The following EDC3 variants were observed in gnomAD, a reference collection of about 807,000 sequenced individuals.
The protein encoded by EDC3 is enhancer of mRNA-decapping protein 3.
In EDC3, 20 loss-of-function variants were observed where a neutral mutation model predicts 41.8. That is an observed-to-expected ratio of 0.48 (90% CI 0.34 to 0.70). EDC3 has a LOEUF of 0.70. Among genes scored for constraint, EDC3 ranks in the 30% least tolerant of loss-of-function variants. EDC3 has a pLI of 0.01. For synonymous variants in EDC3, 206 were observed against 243.2 expected (o/e 0.85, Z 1.42); for missense variants, 444 against 636.8 (o/e 0.70, Z 3.26).
At chr15:74,690,867 C>T (rs143656894) in intron 1 of EDC3, among the ~76,000 whole-genome samples, 6 of 151,990 alleles carry the variant, frequency 3.9e-5, no homozygotes, top group Non-Finnish European at 8.8e-5. Context: ...AAAGGCAGCA[C>T]GGTGAAAAGA....
chr15:74,686,572 G>A (rs2062940397), intron 1 of EDC3, among the ~76,000 whole-genome samples: 1 of 151,704 alleles, frequency 6.6e-6, no homozygotes, highest in Non-Finnish European at 1.5e-5. Context: ...ATCACCTGAG[G>A]AGTTTGAGAC....
At chr15:74,686,382 G>A (rs546058408) in intron 1 of EDC3, among the ~76,000 whole-genome samples, 1 of 151,702 alleles carries the variant, frequency 6.6e-6, no homozygotes, top group South Asian at 2.1e-4. Context: ...AGCTACTTGG[G>A]AGGCTGAGGC....
chr15:74,693,542 T>C (rs1409031344), intron 1 of EDC3, among the ~76,000 whole-genome samples: 3 of 152,148 alleles, frequency 2.0e-5, no homozygotes, highest in Non-Finnish European at 2.9e-5. Context: ...ATAAAGAAAG[T>C]GATGAAACCC....
At chr15:74,640,430 T>TCCAC in intron 5 of EDC3, 36 bp downstream of exon 5, 1 of 1,609,342 alleles carries the variant, frequency 6.2e-7, no homozygotes, top group Non-Finnish European at 8.5e-7. Context: ...GCATCCTTAC[T>TCCAC]CCACATTGAG....
Position 74,671,525 on chromosome 15 carries a change from T to G in EDC3, c.414A>C (p.Ser138=), listed in dbSNP as rs747461655. The change falls in exon 3 of 7, where the codon TCA becomes TCC. Residue 138 remains serine (S), a synonymous_variant. Coordinates refer to ENST00000315127, the MANE Select transcript of EDC3 (RefSeq NM_025083.5). The surrounding 1 kb of genome is among the most constrained non-coding windows in gnomAD (Gnocchi z 4.6). ...CCATGTGCCTGTCGACATAGCTCTT[T>G]GAGCACTGTTGCTGCTGCGGGGAAA... ...VAVSPQQQQC[S]KSYVDRHMES... is the part of the protein sequence containing the mutation. The G allele has an allele frequency of 6.2e-6, 10 of 1,614,102 alleles. No homozygotes were observed. Among genetic ancestry groups the G allele is most frequent in the African/African-American group, 2.7e-5 (2 of 74,932 alleles).
rs538495567 is a variant in EDC3, at chr15:74,695,846, C to T, written c.-19+34G>A. On this transcript the variant is annotated intron_variant, in intron 1 of 6. Coordinates refer to ENST00000315127, the MANE Select transcript of EDC3 (RefSeq NM_025083.5). ...AACCCCGGCAGCCCCCTCCCACGAC[C>T]GTCCACAAACCAGTAGCCTCCCTTC... The T allele has an allele frequency of 2.8e-3, 426 of 153,786 alleles. 1 individual carries two copies. The highest frequency in any genetic ancestry group is 4.7e-3 in the Non-Finnish European group (325 of 69,214). The allele number at this position is 153,786 out of a possible 1,614,324, so 9.5% of individuals were successfully genotyped here. A position where few individuals can be genotyped will look rare whatever the true frequency, so the allele number is the denominator to read the frequency against.
intron 4 of EDC3, chr15:74,641,889 C>T (rs2062356570): frequency 6.5e-6 from 1 of 152,690 alleles, no homozygotes; most frequent in Non-Finnish European, 1.5e-5. Flanking sequence ...AAACCTAGTG[C>T]CATTTCTGGT....
chr15:74,666,870 A>C (rs2062681837), intron 3 of EDC3, among the ~76,000 whole-genome samples: 1 of 152,206 alleles, frequency 6.6e-6, no homozygotes, highest in South Asian at 2.1e-4. Flanking sequence ...GGAGGTTAGA[A>C]GATCCCAGGA....
intron 4 of EDC3, chr15:74,642,065 C>T (rs559087867): frequency 6.6e-6 from 1 of 152,190 alleles, no homozygotes; most frequent in Non-Finnish European, 1.5e-5. Context: ...CCAGTCCTAC[C>T]TGCATATTCC....
At chr15:74,665,255 G>C (rs183622407) in intron 3 of EDC3, among the ~76,000 whole-genome samples, 103 of 152,218 alleles carry the variant, frequency 6.8e-4, no homozygotes, top group Admixed American at 2.6e-3. Context: ...CGAACTCCTG[G>C]CCTCAGGTGA....
chr15:74,693,325 T>C (rs1175719592), intron 1 of EDC3, among the ~76,000 whole-genome samples: 2 of 152,202 alleles, frequency 1.3e-5, no homozygotes, highest in African/African-American at 4.8e-5. Flanking sequence ...CCTCCCCTAA[T>C]AGGTATAGTT....
At chr15:74,653,483 G>A (rs773131300) in intron 4 of EDC3, among the ~76,000 whole-genome samples, 148 of 152,262 alleles carry the variant, frequency 9.7e-4, no homozygotes, top group Non-Finnish European at 1.3e-3. Context: ...TAAGATAACT[G>A]CCTGCTTGCT....
chr15:74,642,365 A>T (rs953793401), intron 4 of EDC3: 1 of 152,176 alleles, frequency 6.6e-6, no homozygotes, highest in Non-Finnish European at 1.5e-5. Context: ...CTGAAATGTC[A>T]GTCATTGGTA....
chr15:74,672,590 C>T (rs1162023168), intron 2 of EDC3, among the ~76,000 whole-genome samples: 8 of 152,034 alleles, frequency 5.3e-5, no homozygotes, highest in Non-Finnish European at 1.2e-4. Flanking sequence ...CCGAGGCAGG[C>T]GAATCACTTG....
intron 2 of EDC3, among the ~76,000 whole-genome samples, chr15:74,672,789 T>C (rs964934734): frequency 3.3e-5 from 5 of 151,860 alleles, no homozygotes; most frequent in Non-Finnish European, 7.4e-5. Context: ...CACTCCAGCC[T>C]GGGCAACAAA....
chr15:74,645,575 G>T lies in EDC3; in HGVS notation c.821-4956C>A, dbSNP rs923173183. Among the ~76,000 whole-genome samples, 21 of 140,482 alleles carry T rather than the reference G, an allele frequency of 1.5e-4. 1 individual carries two copies. Among genetic ancestry groups the T allele is most frequent in the East Asian group, 1.3e-3 (6 of 4,462 alleles). The allele number at this position is 140,482 out of a possible 152,430, so 92.2% of individuals were successfully genotyped here. ...TCAATAAAAAAAGTTGGGGGGGGGG[G>T]GGTGCCAGGCAGGTGGCTCATGCCC... On this transcript the variant is annotated intron_variant, in intron 4 of 6. Coordinates refer to ENST00000315127, the MANE Select transcript of EDC3 (RefSeq NM_025083.5).
chr15:74,637,249 T>C (rs1447922120), intron 5 of EDC3: 1 of 152,216 alleles, frequency 6.6e-6, no homozygotes, highest in Non-Finnish European at 1.5e-5. Flanking sequence ...GATGGACCTT[T>C]GGATAGTTCA....
At chr15:74,662,592 G>C (rs1008817649) in intron 3 of EDC3, among the ~76,000 whole-genome samples, 1 of 152,062 alleles carries the variant, frequency 6.6e-6, no homozygotes, top group Non-Finnish European at 1.5e-5. Flanking sequence ...TAAAGTTGTT[G>C]ACAATAATAT....
chr15:74,653,194 A>C (rs533121751), intron 4 of EDC3, among the ~76,000 whole-genome samples: 1 of 152,120 alleles, frequency 6.6e-6, no homozygotes, highest in South Asian at 2.1e-4. Context: ...CTCCAAAAAA[A>C]AAAAAAAAAC....
Sources: gnomAD v4.1 joint callset for allele counts (sites outside exome capture counted in the v4.1 genomes callset) on GRCh38, gnomAD v4.1.1 for gene constraint, Gnocchi (gnomAD v3.1) non-coding constraint, MANE v1.5 for transcripts, NCBI Gene and HGNC (gene_info 2026-07-23, HGNC 2026-07-21) for gene names.